The following RANBP17 variants were observed in gnomAD, a reference collection of about 807,000 sequenced individuals.
RANBP17 encodes ran-binding protein 17.
Under a neutral mutation model 141.2 loss-of-function variants are expected in RANBP17, and 158 were observed. The ratio of observed to expected loss-of-function variants is 1.12; its 90% confidence interval spans 0.98 to 1.28. The LOEUF (loss-of-function observed/expected upper bound fraction) is 1.28, where lower values mean the gene tolerates loss of function less well. RANBP17 is among the 50% of genes most tolerant of loss of function. RANBP17 has a pLI of 0.00. For missense variants in RANBP17, 1,438 were observed against 1,290.7 expected (o/e 1.11, Z -1.75); for synonymous variants, 430 against 450.0 (o/e 0.96, Z 0.56).
At chr5:170,981,774 G>A (rs1410745634) in intron 14 of RANBP17, among the ~76,000 whole-genome samples, 1 of 152,056 alleles carries the variant, frequency 6.6e-6, no homozygotes, top group Admixed American at 6.6e-5. Flanking sequence ...AGATGTATAA[G>A]CGGTATCTGT....
chr5:171,016,176 C>CTT (rs377305717), intron 14 of RANBP17, among the ~76,000 whole-genome samples: 45 of 109,060 alleles, frequency 4.1e-4, no homozygotes, highest in African/African-American at 1.0e-3. Flanking sequence ...GGGATCACTG[C>CTT]TTTTTTTTTT....
intron 22 of RANBP17, among the ~76,000 whole-genome samples, chr5:171,227,984 G>A (rs186249439): frequency 3.3e-5 from 5 of 152,268 alleles, no homozygotes; most frequent in East Asian, 3.9e-4. Context: ...AGTGCACCTC[G>A]TCACCCAGGA....
chr5:171,258,157 A>C (rs960406871), intron 24 of RANBP17, among the ~76,000 whole-genome samples: 14 of 141,952 alleles, frequency 9.9e-5, no homozygotes, highest in African/African-American at 3.7e-4. Flanking sequence ...ACACACACAC[A>C]CACCCCTAGG....
chr5:171,229,047 T>C (rs1253373253), intron 22 of RANBP17, among the ~76,000 whole-genome samples: 1 of 152,236 alleles, frequency 6.6e-6, no homozygotes, highest in African/African-American at 2.4e-5. Flanking sequence ...GATACTTATG[T>C]ATAAATGATT....
At chr5:171,223,102 T>C (rs1375575885) in intron 22 of RANBP17, among the ~76,000 whole-genome samples, 1 of 152,204 alleles carries the variant, frequency 6.6e-6, no homozygotes, top group Non-Finnish European at 1.5e-5. Flanking sequence ...TTTTAAGTTG[T>C]TTTTACCTCA....
chr5:170,935,975 TACTCAAGCCGCAGCAATG>T (rs1026109584), intron 12 of RANBP17, among the ~76,000 whole-genome samples: 1 of 152,192 alleles, frequency 6.6e-6, no homozygotes, highest in African/African-American at 2.4e-5. Flanking sequence ...TTTGCTTACC[TACTCAAGCCGCAGCAATG>T]GCTCAAGCCC....
At chr5:171,231,929 A>G (rs1243280986) in intron 22 of RANBP17, among the ~76,000 whole-genome samples, 5 of 152,212 alleles carry the variant, frequency 3.3e-5, no homozygotes, top group Admixed American at 6.5e-5. Context: ...ACAAAATGCT[A>G]CAAATAGCAA....
chr5:170,865,253 G>T (rs1767146995), intron 1 of RANBP17, among the ~76,000 whole-genome samples: 1 of 152,074 alleles, frequency 6.6e-6, no homozygotes, highest in Admixed American at 6.6e-5. Context: ...AGTAGAGACA[G>T]GGTTTCTCCA....
At chr5:171,053,650 T>C (rs550780245) in intron 14 of RANBP17, among the ~76,000 whole-genome samples, 1 of 151,894 alleles carries the variant, frequency 6.6e-6, no homozygotes, top group African/African-American at 2.4e-5. Context: ...ATATATAGAA[T>C]TATGTCATCT....
chr5:170,972,403 C>T (rs1313162283), intron 14 of RANBP17, among the ~76,000 whole-genome samples: 2 of 152,124 alleles, frequency 1.3e-5, no homozygotes, highest in South Asian at 2.1e-4. Flanking sequence ...AGGCTGGTTT[C>T]GAACTCCTGA....
chr5:171,262,607 A>G (rs887063518), intron 24 of RANBP17, among the ~76,000 whole-genome samples: 1 of 152,178 alleles, frequency 6.6e-6, no homozygotes, highest in Admixed American at 6.5e-5. Flanking sequence ...CATTTAGGGT[A>G]TCCATCACTG....
chr5:170,925,282 A>G lies in RANBP17; in HGVS notation c.1468+732A>G, dbSNP rs147054583. 9.5e-4 allele frequency among the ~76,000 whole-genome samples: 145 copies of G among 152,262 alleles called. 2 individuals carry two copies. Among genetic ancestry groups the G allele is most frequent in the African/African-American group, 3.4e-3 (143 of 41,576 alleles). ...AAATTTTTAGAAGATTATCCTTTAC[A>G]TTTGAATAATGTTTTTTAAAAATGC... On this transcript the variant is annotated intron_variant, in intron 12 of 27. Transcript: ENST00000523189.
Position 171,205,544 on chromosome 5 carries a change from A to G in RANBP17, c.2163A>G (p.Ala721=), listed in dbSNP as rs535057160. 3.7e-6 allele frequency: 6 copies of G among 1,613,986 alleles called. No individual in the cohort carries two copies. In the South Asian group the frequency reaches 6.6e-5, roughly 18 times the overall value. Residue 721 remains alanine (A), a synonymous_variant, in exon 20 of 28, where the codon GCA becomes GCG. Coordinates refer to ENST00000523189, the MANE Select transcript of RANBP17 (RefSeq NM_022897.5). The part of the protein sequence containing the change: ...EDVKRMLIGL[A]RDLRGIAFAL... ...GACAGCGTATGTTGATCGGGCTGGCAAGAGATCTTCGAGGGATTGCCTTTG... is the reference window on the plus strand; with the variant it reads ...GACAGCGTATGTTGATCGGGCTGGCGAGAGATCTTCGAGGGATTGCCTTTG...
At chr5:171,296,871 C>A (rs1768853679) in intron 27 of RANBP17, among the ~76,000 whole-genome samples, 1 of 152,182 alleles carries the variant, frequency 6.6e-6, no homozygotes, top group Non-Finnish European at 1.5e-5. Flanking sequence ...TGAGATCACA[C>A]CACTGCACTC....
intron 24 of RANBP17, among the ~76,000 whole-genome samples, chr5:171,258,106 A>G (rs977825390): frequency 8.3e-6 from 1 of 120,968 alleles, no homozygotes; most frequent in South Asian, 3.0e-4. Flanking sequence ...AACTCCATCT[A>G]AAAAAAAAAA....
Position 171,051,686 on chromosome 5 carries a change from T to C in RANBP17, c.1710+83309T>C, listed in dbSNP as rs144379488. Among the ~76,000 whole-genome samples, 886 of 152,306 alleles carry C rather than the reference T, an allele frequency of 5.8e-3. 8 individuals are homozygous for C. Among genetic ancestry groups the C allele is most frequent in the African/African-American group, 0.02 (844 of 41,582 alleles). ...TTCACCTTTTGGCTCTTACAAGTAA[T>C]GTTGCTGTAAACATTTTTTTACAAG... On this transcript the variant is annotated intron_variant, in intron 14 of 27. Coordinates refer to ENST00000523189, the MANE Select transcript of RANBP17 (RefSeq NM_022897.5).
At chr5:170,968,992 G>A (rs151272605) in intron 14 of RANBP17, among the ~76,000 whole-genome samples, 8 of 151,780 alleles carry the variant, frequency 5.3e-5, no homozygotes, top group East Asian at 3.9e-4. Flanking sequence ...TAAAATCTTC[G>A]CCATAAGAAG....
intron 14 of RANBP17, among the ~76,000 whole-genome samples, chr5:170,998,980 T>C (rs899368726): frequency 5.3e-5 from 8 of 152,070 alleles, no homozygotes; most frequent in African/African-American, 1.2e-4. Context: ...CAAGAAAATA[T>C]CTTGATAAAT....
chr5:171,038,151 A>G (rs1474038891), intron 14 of RANBP17, among the ~76,000 whole-genome samples: 1 of 139,360 alleles, frequency 7.2e-6, no homozygotes, highest in East Asian at 2.2e-4. Flanking sequence ...GTTTAGATGT[A>G]TTCTTAGGTA....
Sources: gnomAD v4.1 joint callset for allele counts (sites outside exome capture counted in the v4.1 genomes callset) on GRCh38, gnomAD v4.1.1 for gene constraint, MANE v1.5 for transcripts, NCBI Gene and HGNC (gene_info 2026-07-23, HGNC 2026-07-21) for gene names.